The following IGSF10 variants were observed in gnomAD, a reference collection of about 807,000 sequenced individuals.
IGSF10 encodes the protein calvaria mechanical force protein 608.
A neutral mutation model predicts 128.2 loss-of-function variants in IGSF10; 126 were observed. That is an observed-to-expected ratio of 0.98 (90% CI 0.85 to 1.14). The LOEUF (loss-of-function observed/expected upper bound fraction) is 1.14, where lower values mean the gene tolerates loss of function less well. IGSF10 is among the 50% of genes most tolerant of loss of function. The pLI is 0.00. For synonymous variants in IGSF10, 1,185 were observed against 1,146.2 expected, an observed-to-expected ratio of 1.03 and a Z score of -0.68; for missense variants, 3,295 against 3,149.8, an observed-to-expected ratio of 1.05 and a Z score of -1.10.
chr3:151,614,670 G>T, the IGSF10 span, among the ~76,000 whole-genome samples: 1 of 151,858 alleles, frequency 6.6e-6, no homozygotes, highest in Non-Finnish European at 1.5e-5. Context: ...GGGGACTGTT[G>T]TGGGGTGGGG....
the IGSF10 span, among the ~76,000 whole-genome samples, chr3:151,494,040 T>C: frequency 6.6e-6 from 1 of 152,066 alleles, no homozygotes; most frequent in Admixed American, 6.6e-5. Flanking sequence ...TTCTGGACTA[T>C]TACTGATGTT....
the IGSF10 span, among the ~76,000 whole-genome samples, chr3:151,496,840 G>C: frequency 2.6e-5 from 4 of 151,952 alleles, no homozygotes; most frequent in Non-Finnish European, 5.9e-5. Flanking sequence ...TCCAGCACCT[G>C]TTGTTTCCTG....
In IGSF10 at chr3:151,445,320, G is replaced by T. The variant is rs757379312; in HGVS notation, c.4661C>A (p.Ala1554Glu). The T allele has an allele frequency of 1.9e-6, 3 of 1,614,194 alleles. No homozygotes were observed. The highest frequency in any genetic ancestry group is 2.2e-5 in the South Asian group (2 of 91,090). ...ATTCTGTGATTTAACTGTTGTTAGT[G>T]CTGGCATGGGAGTAGAATGTAACAG... ...SNLLHSTPMPALTTVKSQNSK... is the reference protein window; with the variant it reads ...SNLLHSTPMPELTTVKSQNSK... Residue 1554 changes from alanine to glutamate, a missense_variant, in exon 6 of 8, where the codon GCA (alanine) becomes GAA (glutamate). By Grantham distance (107) the Ala-to-Glu change is moderately radical. Coordinates refer to ENST00000282466, the MANE Select transcript of IGSF10 (RefSeq NM_178822.5).
chr3:151,467,748 G>A, the IGSF10 span, among the ~76,000 whole-genome samples: 1 of 151,954 alleles, frequency 6.6e-6, no homozygotes, highest in Non-Finnish European at 1.5e-5. Context: ...GCCGGGCGAG[G>A]TGGCGGGCAC....
the IGSF10 span, among the ~76,000 whole-genome samples, chr3:151,466,770 G>A: frequency 1.3e-5 from 2 of 151,940 alleles, no homozygotes; most frequent in African/African-American, 4.8e-5. Context: ...GTAGAGACAG[G>A]GTTTCACCAT....
the IGSF10 span, among the ~76,000 whole-genome samples, chr3:151,555,874 CT>C: frequency 6.6e-6 from 1 of 152,136 alleles, no homozygotes; most frequent in African/African-American, 2.4e-5. Flanking sequence ...TTGCCTTTCC[CT>C]GCAAATAAAA....
chr3:151,446,001 G>A lies in IGSF10; in HGVS notation c.3980C>T (p.Ala1327Val). 6.2e-7 allele frequency: 1 copy of A among 1,614,208 alleles called. No individual in the cohort carries two copies. Among genetic ancestry groups the A allele is most frequent in the South Asian group, 1.1e-5 (1 of 91,082 alleles). ...TTGGGTTTCATAAGTGATGACAGAT[G>A]CAGGGAAGGTAGGAGTTGTTGCTGG... ...AIPATTPTFP[A>V]SVITYETQTE... The change falls in exon 6 of 8, where the codon GCA (alanine) becomes GTA (valine). Residue 1327 changes from alanine to valine, a missense_variant. Transcript: ENST00000282466.
chr3:151,485,974 C>T, the IGSF10 span, among the ~76,000 whole-genome samples: 1 of 140,940 alleles, frequency 7.1e-6, no homozygotes, highest in Admixed American at 7.2e-5. Context: ...ATGTAAATGG[C>T]TAAGTGTCCC....
rs763565475 is a variant in IGSF10 at position 151,447,686 on chromosome 3, C to A, written c.2295G>T (p.Lys765Asn). 4 of 1,614,048 alleles carry A rather than the reference C, an allele frequency of 2.5e-6. No individual in the cohort carries two copies. In the African/African-American group the frequency reaches 5.3e-5, roughly 22 times the overall value. The change falls in exon 6 of 8, where the codon AAG becomes AAT. Residue 765 changes from lysine to asparagine, a missense_variant. Transcript: ENST00000282466. ...HWAALLEKAKKNAMPDKRENT... is the reference protein window; with the variant it reads ...HWAALLEKAKNNAMPDKRENT... ...TTTCTCGCTTGTCTGGCATAGCATT[C>A]TTTTTAGCTTTCTCCAACAGTGCCG...
intron 3 of IGSF10, 47 bp from the exon 4 acceptor site, chr3:151,457,202 A>G (rs774420269): frequency 7.5e-6 from 12 of 1,592,940 alleles, no homozygotes; most frequent in African/African-American, 4.0e-5. Context: ...TCTGTCAACT[A>G]AAGTTCAAAT....
the IGSF10 span, among the ~76,000 whole-genome samples, chr3:151,615,464 A>T: frequency 1.3e-5 from 2 of 152,186 alleles, no homozygotes; most frequent in African/African-American, 4.8e-5. Context: ...CTGTGTCTTA[A>T]TTACTTTACT....
At chr3:151,606,879 G>A in the IGSF10 span, among the ~76,000 whole-genome samples, 1 of 152,126 alleles carries the variant, frequency 6.6e-6, no homozygotes, top group African/African-American at 2.4e-5. Flanking sequence ...TACTCTAAAA[G>A]CACCTTGACT....
the IGSF10 span, among the ~76,000 whole-genome samples, chr3:151,554,549 G>A: frequency 6.6e-6 from 1 of 150,552 alleles, no homozygotes; most frequent in African/African-American, 2.5e-5. Flanking sequence ...AAATCAATTT[G>A]CATTTTGTTC....
At chr3:151,574,310 G>A in the IGSF10 span, among the ~76,000 whole-genome samples, 1 of 152,146 alleles carries the variant, frequency 6.6e-6, no homozygotes, top group African/African-American at 2.4e-5. Context: ...CCTGAAGAGT[G>A]TTTTCCAGCT....
At chr3:151,488,039 GTC>G in the IGSF10 span, among the ~76,000 whole-genome samples, 3 of 152,092 alleles carry the variant, frequency 2.0e-5, no homozygotes, top group Non-Finnish European at 4.4e-5. Context: ...AAGTCAAATT[GTC>G]TCTGTTTGCA....
At chr3:151,561,460 A>T in the IGSF10 span, among the ~76,000 whole-genome samples, 1 of 152,176 alleles carries the variant, frequency 6.6e-6, no homozygotes, top group Non-Finnish European at 1.5e-5. Context: ...CTGTACAAAG[A>T]GGTGTATAAA....
chr3:151,517,907 C>CA, the IGSF10 span, among the ~76,000 whole-genome samples: 5 of 151,840 alleles, frequency 3.3e-5, no homozygotes, highest in South Asian at 1.0e-3. Flanking sequence ...CTGACCCTTA[C>CA]AAAAAAAATA....
the IGSF10 span, among the ~76,000 whole-genome samples, chr3:151,479,223 G>C: frequency 0.036 from 5,435 of 152,048 alleles, 127 homozygotes; most frequent in East Asian, 0.067. Flanking sequence ...TGGAAAGTAG[G>C]ATGCTGGTAA....
the IGSF10 span, among the ~76,000 whole-genome samples, chr3:151,482,271 T>C: frequency 6.6e-6 from 1 of 152,140 alleles, no homozygotes; most frequent in Non-Finnish European, 1.5e-5. Flanking sequence ...CTCAGCAAGA[T>C]GCAAGAGAAT....
Sources: allele counts gnomAD v4.1 joint callset (sites outside exome capture counted in the v4.1 genomes callset), GRCh38; gene constraint gnomAD v4.1.1; transcripts MANE v1.5; gene names NCBI Gene and HGNC (gene_info 2026-07-23, HGNC 2026-07-21).